KDM4B: variants seen among roughly 807,000 people sequenced by gnomAD.
The protein encoded by KDM4B is lysine demethylase 4B, also known as lysine-specific demethylase 4B.
A neutral mutation model predicts 125.2 loss-of-function variants in KDM4B; 32 were observed. The ratio of observed to expected loss-of-function variants is 0.26; its 90% CI spans 0.19 to 0.34. The LOEUF is 0.34. Among genes scored for constraint, KDM4B ranks in the 10% least tolerant of loss-of-function variants. The probability of loss-of-function intolerance (pLI) is 1.00; values close to 1 mark genes in which losing one functional copy is unlikely to be tolerated. For missense variants in KDM4B, 1,190 were observed against 1,577.7 expected (o/e 0.75, Z 4.16); for synonymous variants, 721 against 677.9 (o/e 1.06, Z -0.99).
At chr19:5,139,336 C>T (rs2039701859) in intron 18 of KDM4B, among the ~76,000 whole-genome samples, 1 of 149,874 alleles carries the variant, frequency 6.7e-6, no homozygotes, top group African/African-American at 2.5e-5. Context: ...TGTGTTGATC[C>T]GGGCACCCGC....
At chr19:5,103,623 G>T (rs560677192) in intron 9 of KDM4B, among the ~76,000 whole-genome samples, 1 of 152,174 alleles carries the variant, frequency 6.6e-6, no homozygotes, top group African/African-American at 2.4e-5. Flanking sequence ...CATCAATCCC[G>T]GGCCTGTCAT....
rs757788727 is a variant in KDM4B, at chr19:4,997,191, C to T, written c.-108-19066C>T. ...GTTTTGGAATAACCCTTTCTGTACC[C>T]GGGCTATTACCACCCTATTGTGTTA... is the stretch of plus-strand genomic sequence containing the variant. On this transcript the variant is annotated intron_variant, in intron 1 of 22. Coordinates refer to ENST00000159111, the MANE Select transcript of KDM4B (RefSeq NM_015015.3). This position sits in a 1 kb window ranked among gnomAD's most constrained non-coding sequence, Gnocchi z 4.2. 6.6e-5 allele frequency among the ~76,000 whole-genome samples: 10 copies of T among 152,220 alleles called. No individual in the cohort carries two copies. Among genetic ancestry groups the T allele is most frequent in the Non-Finnish European group, 1.3e-4 (9 of 68,040 alleles).
At chr19:5,033,803 G>C (rs1174450247) in intron 3 of KDM4B, among the ~76,000 whole-genome samples, 1 of 152,112 alleles carries the variant, frequency 6.6e-6, no homozygotes, top group Admixed American at 6.6e-5. Flanking sequence ...ACACACAGCA[G>C]ACCCCCGAAC....
intron 5 of KDM4B, among the ~76,000 whole-genome samples, chr19:5,042,369 G>A (rs998033281): frequency 1.3e-5 from 2 of 152,132 alleles, no homozygotes; most frequent in African/African-American, 2.4e-5. Flanking sequence ...GCATGGTGGT[G>A]TGTGCCTGTA....
intron 5 of KDM4B, among the ~76,000 whole-genome samples, chr19:5,043,560 ATCATAT>A (rs2036907167): frequency 7.0e-6 from 1 of 141,930 alleles, no homozygotes; most frequent in Non-Finnish European, 1.5e-5. Context: ...TGGGGTGTCC[ATCATAT>A]CCTGTGTGGT....
intron 9 of KDM4B, among the ~76,000 whole-genome samples, chr19:5,103,743 A>G (rs1487295494): frequency 2.0e-5 from 3 of 152,178 alleles, no homozygotes; most frequent in Non-Finnish European, 2.9e-5. Context: ...CATGTTAGCC[A>G]TGTCAGGAGG....
intron 1 of KDM4B, among the ~76,000 whole-genome samples, chr19:4,994,937 T>C (rs1402332429): frequency 6.6e-6 from 1 of 152,206 alleles, no homozygotes; most frequent in Non-Finnish European, 1.5e-5. Context: ...CCAATATCAT[T>C]TGAAGCAAGG....
intron 19 of KDM4B, 44 bp from the exon 20 acceptor site, chr19:5,144,204 G>A (rs753210229): frequency 2.4e-5 from 22 of 914,004 alleles, no homozygotes; most frequent in South Asian, 1.4e-4. Context: ...CGCCCCCACC[G>A]ACACCCGCGC....
At chr19:5,088,315 T>A (rs1485527671) in intron 9 of KDM4B, among the ~76,000 whole-genome samples, 1 of 152,054 alleles carries the variant, frequency 6.6e-6, no homozygotes, top group Non-Finnish European at 1.5e-5. Flanking sequence ...CTGCAAAAAC[T>A]CGCTCTGATC....
intron 6 of KDM4B, among the ~76,000 whole-genome samples, chr19:5,067,720 A>T (rs2037818668): frequency 6.6e-6 from 1 of 152,056 alleles, no homozygotes; most frequent in Non-Finnish European, 1.5e-5. Context: ...AGCTGGACAG[A>T]GGAGGTAGGC....
chr19:5,005,767 G>T (rs1273928366), intron 1 of KDM4B, among the ~76,000 whole-genome samples: 1 of 152,212 alleles, frequency 6.6e-6, no homozygotes, highest in African/African-American at 2.4e-5. Flanking sequence ...GGCCACGGGG[G>T]AGAAGGTCCC....
At chr19:5,097,646 G>A (rs1258644452) in intron 9 of KDM4B, among the ~76,000 whole-genome samples, 6 of 152,248 alleles carry the variant, frequency 3.9e-5, no homozygotes, top group South Asian at 2.1e-4. Flanking sequence ...AGCAGGGACC[G>A]TAGGATGTCA....
intron 22 of KDM4B, among the ~76,000 whole-genome samples, 178 bp from the exon 23 acceptor site, chr19:5,151,157 G>A (rs1336004375): frequency 6.6e-6 from 1 of 152,190 alleles, no homozygotes; most frequent in African/African-American, 2.4e-5. Flanking sequence ...CCGAGTGCAG[G>A]GCCCCTCTGC....
intron 11 of KDM4B, among the ~76,000 whole-genome samples, chr19:5,130,516 G>A (rs183186451): frequency 0.019 from 2,838 of 152,314 alleles, 91 homozygotes; most frequent in African/African-American, 0.064. Flanking sequence ...TTCCTGGTTC[G>A]CTCATGTGAC....
intron 10 of KDM4B, among the ~76,000 whole-genome samples, chr19:5,118,388 G>A (rs183614586): frequency 3.3e-5 from 5 of 152,342 alleles, no homozygotes; most frequent in African/African-American, 1.2e-4. Flanking sequence ...CTGGGGAAGG[G>A]GAGAAAGGCC....
At chr19:5,150,283 CTT>C (rs915399378) in intron 21 of KDM4B, 73 bp from the exon 22 acceptor site, 37 of 1,311,524 alleles carry the variant, frequency 2.8e-5, no homozygotes, top group Non-Finnish European at 3.7e-5. Flanking sequence ...CCTCCCAGCT[CTT>C]GAGGCCGTGG....
At chr19:5,070,914 C>A in intron 6 of KDM4B, 96 bp from the exon 7 acceptor site, 2 of 1,284,088 alleles carry the variant, frequency 1.6e-6, no homozygotes, top group Non-Finnish European at 1.1e-6. Flanking sequence ...CTGCCCTGGG[C>A]ACTGTCTGCG....
chr19:5,135,749 G>A (rs1042888998), intron 15 of KDM4B, among the ~76,000 whole-genome samples, 188 bp downstream of exon 15: 6 of 152,208 alleles, frequency 3.9e-5, no homozygotes, highest in African/African-American at 9.6e-5. Context: ...CATCCTTCCC[G>A]TTGTGGTCCC....
chr19:4,976,388 G>C (rs1328645752), intron 1 of KDM4B, among the ~76,000 whole-genome samples: 1 of 152,076 alleles, frequency 6.6e-6, no homozygotes, highest in African/African-American at 2.4e-5. Context: ...AGTGTAGGTG[G>C]GGGGAACGCT....
Sources: gnomAD v4.1 joint callset for allele counts (sites outside exome capture counted in the v4.1 genomes callset) on GRCh38, gnomAD v4.1.1 for gene constraint, Gnocchi (gnomAD v3.1) non-coding constraint, MANE v1.5 for transcripts, NCBI Gene and HGNC (gene_info 2026-07-23, HGNC 2026-07-21) for gene names.